Variants in FSTL5 observed in about 807,000 individuals in gnomAD.
FSTL5 encodes follistatin like 5, also known as follistatin-related protein 5.
A neutral mutation model predicts 89.1 loss-of-function variants in FSTL5; 62 were observed. The observed-to-expected ratio is 0.70, with a 90% CI of 0.57 to 0.86. FSTL5 has a LOEUF of 0.86. Ranked by LOEUF, FSTL5 falls within the 40% of genes least tolerant of loss-of-function variation. FSTL5 has a pLI of 0.00. For synonymous variants in FSTL5, 383 were observed against 346.2 expected (o/e 1.11, Z -1.18); for missense variants, 1,057 against 1,001.6 (o/e 1.06, Z -0.75).
chr4:161,659,634 AAAC>A (rs1736638191), intron 6 of FSTL5, among the ~76,000 whole-genome samples: 1 of 152,178 alleles, frequency 6.6e-6, no homozygotes, highest in African/African-American at 2.4e-5. Flanking sequence ...TTACTATGTA[AAAC>A]AACAGCTATG....
intron 4 of FSTL5, among the ~76,000 whole-genome samples, chr4:161,869,438 T>G (rs954223513): frequency 9.9e-5 from 15 of 152,122 alleles, no homozygotes; most frequent in African/African-American, 3.6e-4. Flanking sequence ...AGCAGCAAAA[T>G]GAGAATAATA....
intron 6 of FSTL5, among the ~76,000 whole-genome samples, chr4:161,682,464 T>C (rs1737558397): frequency 1.3e-5 from 2 of 152,226 alleles, no homozygotes. Context: ...CTTCTTTCTT[T>C]ATATCTTTAA....
At position 161,444,928 on chromosome 4, in the gene FSTL5, C is replaced by T. The variant is rs1346496597; in HGVS notation, c.1841+10076G>A. Among the ~76,000 whole-genome samples, 6 of 151,860 alleles carry T rather than the reference C, an allele frequency of 4.0e-5. No homozygotes were observed. In the East Asian group the frequency reaches 1.2e-3, roughly 29 times the overall value. The stretch of plus-strand genomic sequence containing the variant: ...AGAATGGGAATAAAAATTTATGTTG[C>T]TGCTAGTTTTAAATGAGACAGAGCA... On this transcript the variant is annotated intron_variant, in intron 15 of 15. Coordinates refer to ENST00000306100, the MANE Select transcript of FSTL5 (RefSeq NM_020116.5).
At chr4:162,086,721 T>G (rs550071012) in intron 2 of FSTL5, among the ~76,000 whole-genome samples, 1 of 152,146 alleles carries the variant, frequency 6.6e-6, no homozygotes, top group East Asian at 1.9e-4. Flanking sequence ...GATTTGTATA[T>G]TTTAAAAAAG....
At chr4:162,002,694 T>C (rs894750106) in intron 3 of FSTL5, among the ~76,000 whole-genome samples, 39 of 152,328 alleles carry the variant, frequency 2.6e-4, no homozygotes, top group African/African-American at 8.9e-4. Context: ...AATATATTTA[T>C]TTTTGTGAAG....
At position 161,632,711 on chromosome 4, in the gene FSTL5, C is replaced by A. The variant is rs535581710; in HGVS notation, c.894+23617G>T. Among the ~76,000 whole-genome samples the A allele has an allele frequency of 7.2e-5, 11 of 152,236 alleles. No individual in the cohort carries two copies. The South Asian group carries it at 2.3e-3, about 32-fold the overall frequency. On this transcript the variant is annotated intron_variant, in intron 7 of 15. Coordinates refer to ENST00000306100, the MANE Select transcript of FSTL5 (RefSeq NM_020116.5). ...TGTGTTTTTTAGAAGGTGAATATTACATATTCTTATGAAATATGTATTGGA... is the reference window on the plus strand; with the variant it reads ...TGTGTTTTTTAGAAGGTGAATATTAAATATTCTTATGAAATATGTATTGGA...
At chr4:162,113,327 T>C (rs1289211231) in intron 1 of FSTL5, among the ~76,000 whole-genome samples, 2 of 152,026 alleles carry the variant, frequency 1.3e-5, no homozygotes, top group East Asian at 3.9e-4. Context: ...AATTCTTTTA[T>C]ATCTACCTTC....
intron 3 of FSTL5, among the ~76,000 whole-genome samples, chr4:162,027,213 C>T (rs898084779): frequency 1.3e-5 from 2 of 152,044 alleles, no homozygotes; most frequent in Non-Finnish European, 2.9e-5. Context: ...CAACTTATTT[C>T]AATGAGTTTT....
chr4:162,109,799 G>C (rs1436633858), intron 2 of FSTL5, among the ~76,000 whole-genome samples: 1 of 151,996 alleles, frequency 6.6e-6, no homozygotes, highest in African/African-American at 2.4e-5. Flanking sequence ...GAAATAAAAG[G>C]ATGTGAAAGA....
Position 161,434,835 on chromosome 4 carries a change from TGATCATCA to T in FSTL5, c.1841+20161_1841+20168del, listed in dbSNP as rs373262691. 8.5e-5 allele frequency among the ~76,000 whole-genome samples: 13 copies of T among 152,172 alleles called. No individual in the cohort carries two copies. In the East Asian group the frequency reaches 2.1e-3, roughly 25 times the overall value. On this transcript the variant is annotated intron_variant, in intron 15 of 15. Transcript: ENST00000306100. ...ACAGGAGTATAACAGGTGCTAACACTGATCATCAGAGAAACGCAAATCAACACTGCAGT... is the reference window on the plus strand; with the variant it reads ...ACAGGAGTATAACAGGTGCTAACACTGAGAAACGCAAATCAACACTGCAGT...
chr4:162,158,617 T>A (rs1354527300), intron 1 of FSTL5, among the ~76,000 whole-genome samples: 1 of 152,036 alleles, frequency 6.6e-6, no homozygotes, highest in African/African-American at 2.4e-5. Context: ...GATTCCCTAA[T>A]TCATCTATTC....
chr4:161,962,349 T>C (rs1221406322), intron 3 of FSTL5, among the ~76,000 whole-genome samples: 1 of 152,010 alleles, frequency 6.6e-6, no homozygotes. Context: ...TATAATTATT[T>C]TGATACGAAT....
chr4:161,617,192 T>G (rs1292190274), intron 7 of FSTL5, among the ~76,000 whole-genome samples: 1 of 151,952 alleles, frequency 6.6e-6, no homozygotes, highest in Non-Finnish European at 1.5e-5. Context: ...TATAAACATA[T>G]ATAGCTAGAT....
chr4:161,946,100 A>G (rs76977820), intron 3 of FSTL5, among the ~76,000 whole-genome samples: 4,737 of 152,170 alleles, frequency 0.031, 124 homozygotes, highest in Admixed American at 0.039. Flanking sequence ...CTCACCACAT[A>G]TTTTTTCCTA....
At chr4:162,074,720 A>T (rs115370129) in intron 2 of FSTL5, among the ~76,000 whole-genome samples, 1 of 151,708 alleles carries the variant, frequency 6.6e-6, no homozygotes, top group African/African-American at 2.4e-5. Flanking sequence ...GGATGGTTGA[A>T]TCAAGCTAAT....
chr4:161,386,837 G>A (rs1050077969), intron 15 of FSTL5: 4 of 167,494 alleles, frequency 2.4e-5, no homozygotes, highest in East Asian at 1.7e-4. Context: ...TAAAAGGCTC[G>A]AATATATATT....
rs575739274 is a variant in FSTL5, at chr4:161,610,829, T to C, written c.895-23254A>G. Among the ~76,000 whole-genome samples the C allele has an allele frequency of 2.4e-4, 37 of 152,150 alleles. No individual in the cohort carries two copies. The South Asian group carries it at 7.7e-3, about 32-fold the overall frequency. On this transcript the variant is annotated intron_variant, in intron 7 of 15. Transcript: ENST00000306100. ...AGATGAAGTTTTTCTGTGGAGATTT[T>C]ATGTGCTGTAATTTATATCTGGTAA...
At position 161,473,275 on chromosome 4, in the gene FSTL5, T is replaced by C. The variant is rs1460900522; in HGVS notation, c.1608+7745A>G. ...ATGCTTTCAGTTATCATTGTAGAAC[T>C]CCCTATTTCTCAATTCTGTCAGCTT... On this transcript the variant is annotated intron_variant, in intron 13 of 15. Transcript: ENST00000306100. 2.0e-5 allele frequency among the ~76,000 whole-genome samples: 3 copies of C among 152,204 alleles called. No individual in the cohort carries two copies. In the East Asian group the frequency reaches 5.8e-4, roughly 29 times the overall value.
chr4:162,029,416 T>C (rs1168977943), intron 3 of FSTL5, among the ~76,000 whole-genome samples: 2 of 152,136 alleles, frequency 1.3e-5, no homozygotes, highest in Admixed American at 1.3e-4. Context: ...GAGTTTTGAA[T>C]GATAAATGTT....
Sources: allele counts gnomAD v4.1 joint callset (sites outside exome capture counted in the v4.1 genomes callset), GRCh38; gene constraint gnomAD v4.1.1; transcripts MANE v1.5; gene names NCBI Gene and HGNC (gene_info 2026-07-23, HGNC 2026-07-21).